The following EVI5 variants were observed in gnomAD, a reference collection of about 807,000 sequenced individuals.
EVI5 encodes the protein ecotropic viral integration site 5.
In EVI5, 73 loss-of-function variants were observed where a neutral mutation model predicts 112.0. The ratio of observed to expected loss-of-function variants is 0.65; its 90% CI spans 0.54 to 0.79. The LOEUF (loss-of-function observed/expected upper bound fraction) is 0.79, where lower values mean the gene tolerates loss of function less well. Ranked by LOEUF, EVI5 falls within the 30% of genes least tolerant of loss-of-function variation. EVI5 has a pLI of 0.00. For missense variants in EVI5, 900 were observed against 968.8 expected (o/e 0.93, Z 0.94); for synonymous variants, 305 against 319.9 (o/e 0.95, Z 0.50).
chr1:92,575,579 T>C lies in EVI5; in HGVS notation c.2071-11842A>G, dbSNP rs58985930. On this transcript the variant is annotated intron_variant, in intron 18 of 19. Transcript: ENST00000684568. ...TGTGCCTTTTTTTTTTTTTTTTTTT[T>C]TTTTTTCTGAGACAGAGTCTCACCC... is the stretch of plus-strand genomic sequence containing the variant. 6.9e-3 allele frequency among the ~76,000 whole-genome samples: 1,014 copies of C among 146,886 alleles called. 20 individuals carry two copies. Among genetic ancestry groups the C allele is most frequent in the African/African-American group, 0.024 (960 of 39,392 alleles).
At chr1:92,652,805 C>G (rs1662358575) in intron 13 of EVI5, among the ~76,000 whole-genome samples, 1 of 152,188 alleles carries the variant, frequency 6.6e-6, no homozygotes, top group Non-Finnish European at 1.5e-5. Flanking sequence ...TGTGAATAGA[C>G]TATCCAGAGA....
intron 2 of EVI5, among the ~76,000 whole-genome samples, chr1:92,705,551 T>C (rs1423844825): frequency 6.6e-6 from 1 of 152,198 alleles, no homozygotes. Flanking sequence ...GTTTACACTG[T>C]TAAACTGGGA....
intron 18 of EVI5, among the ~76,000 whole-genome samples, chr1:92,575,855 C>T (rs1254858140): frequency 6.6e-6 from 1 of 152,046 alleles, no homozygotes; most frequent in Non-Finnish European, 1.5e-5. Flanking sequence ...TAATCCCAGC[C>T]ACCTTGCCTG....
Position 92,736,639 on chromosome 1 carries a change from A to C in EVI5, c.-81-12T>G, listed in dbSNP as rs1677491069. 1 of 1,582,892 alleles carries C rather than the reference A, an allele frequency of 6.3e-7. No individual in the cohort carries two copies. The highest frequency in any genetic ancestry group is 1.3e-5 in the African/African-American group (1 of 74,316). Reference sequence around the variant, plus strand: ...TTGTCTGTCGCCACCTAAGGACAAAAATAAAAGTTGCATATACTTTAGTTA... The same window carrying C: ...TTGTCTGTCGCCACCTAAGGACAAACATAAAAGTTGCATATACTTTAGTTA... On this transcript the variant is annotated splice_polypyrimidine_tract_variant and intron_variant, in intron 1 of 19. Transcript: ENST00000684568.
At chr1:92,743,588 T>G (rs1282435351) in intron 1 of EVI5, among the ~76,000 whole-genome samples, 1 of 152,012 alleles carries the variant, frequency 6.6e-6, no homozygotes, top group Non-Finnish European at 1.5e-5. Context: ...ATTATAGAGA[T>G]GATGGTGATG....
At chr1:92,678,293 G>A (rs1667059488) in intron 9 of EVI5, among the ~76,000 whole-genome samples, 1 of 152,116 alleles carries the variant, frequency 6.6e-6, no homozygotes, top group African/African-American at 2.4e-5. Context: ...CACTTTGGGG[G>A]GCCAAGGGGG....
intron 16 of EVI5, among the ~76,000 whole-genome samples, chr1:92,618,393 C>T (rs905133018): frequency 7.9e-5 from 12 of 152,176 alleles, no homozygotes; most frequent in African/African-American, 2.9e-4. Context: ...ACACTTCGGG[C>T]TGTTCCTACC....
intron 13 of EVI5, among the ~76,000 whole-genome samples, chr1:92,646,642 A>G (rs1240781150): frequency 3.9e-5 from 6 of 152,236 alleles, no homozygotes; most frequent in African/African-American, 1.4e-4. Flanking sequence ...TAAACTATAT[A>G]TATGTACAGT....
At chr1:92,718,378 G>A (rs1674134015) in intron 2 of EVI5, among the ~76,000 whole-genome samples, 1 of 152,122 alleles carries the variant, frequency 6.6e-6, no homozygotes, top group South Asian at 2.1e-4. Flanking sequence ...TAGAACTCAG[G>A]ATTCAGAAAC....
At chr1:92,603,935 CTTTG>C (rs916411142) in intron 18 of EVI5, among the ~76,000 whole-genome samples, 17 of 152,080 alleles carry the variant, frequency 1.1e-4, no homozygotes, top group African/African-American at 3.9e-4. Context: ...GGGAGTCTCA[CTTTG>C]TTTGTCAGGT....
At chr1:92,778,166 C>G (rs1418738374) in intron 1 of EVI5, among the ~76,000 whole-genome samples, 4 of 152,124 alleles carry the variant, frequency 2.6e-5, no homozygotes, top group Non-Finnish European at 5.9e-5. Flanking sequence ...CTCAGCCTCC[C>G]AAAGGGCTGG....
At chr1:92,615,674 G>A (rs922865079) in intron 16 of EVI5, among the ~76,000 whole-genome samples, 12 of 152,098 alleles carry the variant, frequency 7.9e-5, no homozygotes, top group Admixed American at 2.6e-4. Flanking sequence ...ACCCTGCGCT[G>A]CTTGAGGCAA....
intron 13 of EVI5, among the ~76,000 whole-genome samples, chr1:92,661,901 T>G (rs1478666941): frequency 6.6e-6 from 1 of 152,176 alleles, no homozygotes; most frequent in Non-Finnish European, 1.5e-5. Flanking sequence ...TATTACAATC[T>G]AGCGCCTACT....
chr1:92,606,544 G>A (rs1650433419), intron 17 of EVI5, among the ~76,000 whole-genome samples: 1 of 152,012 alleles, frequency 6.6e-6, no homozygotes, highest in South Asian at 2.1e-4. Context: ...CTTTTAGTAG[G>A]AATTTCAGTA....
At chr1:92,534,337 T>A (rs1162955388) in intron 19 of EVI5, among the ~76,000 whole-genome samples, 2 of 152,188 alleles carry the variant, frequency 1.3e-5, no homozygotes, top group African/African-American at 2.4e-5. Context: ...ATCAATATTG[T>A]GACAATGGCC....
At chr1:92,608,338 C>A (rs1650932203) in intron 16 of EVI5, among the ~76,000 whole-genome samples, 1 of 152,036 alleles carries the variant, frequency 6.6e-6, no homozygotes, top group Non-Finnish European at 1.5e-5. Context: ...AATGGGAGTA[C>A]AAAATGGATA....
chr1:92,782,188 G>A (rs1313297552), intron 1 of EVI5, among the ~76,000 whole-genome samples: 1 of 150,088 alleles, frequency 6.7e-6, no homozygotes, highest in Non-Finnish European at 1.5e-5. Context: ...GAACCCGGGA[G>A]GCGAGGGTGC....
chr1:92,549,622 A>C (rs1228965819), intron 19 of EVI5, among the ~76,000 whole-genome samples: 1 of 152,168 alleles, frequency 6.6e-6, no homozygotes, highest in Non-Finnish European at 1.5e-5. Flanking sequence ...TAATATCCAG[A>C]ATCTACAAAG....
At chr1:92,735,007 G>T (rs1410513983) in intron 2 of EVI5, among the ~76,000 whole-genome samples, 1 of 152,144 alleles carries the variant, frequency 6.6e-6, no homozygotes, top group Non-Finnish European at 1.5e-5. Flanking sequence ...AGAAGAACTG[G>T]TAATTTCATA....
Sources: gnomAD v4.1 joint callset for allele counts (sites outside exome capture counted in the v4.1 genomes callset) on GRCh38, gnomAD v4.1.1 for gene constraint, MANE v1.5 for transcripts, NCBI Gene and HGNC (gene_info 2026-07-23, HGNC 2026-07-21) for gene names.